MXRA5: variants seen among roughly 807,000 people sequenced by gnomAD.
MXRA5 encodes matrix-remodeling-associated protein 5.
Under a neutral mutation model 112.5 loss-of-function variants are expected in MXRA5, and 41 were observed. That is an observed-to-expected ratio of 0.36 (90% confidence interval 0.28 to 0.47). The LOEUF is 0.47. Among genes scored for constraint, MXRA5 ranks in the 20% least tolerant of loss-of-function variants. The pLI is 0.99. For missense variants in MXRA5, 2,150 were observed against 2,251.0 expected (o/e 0.96, Z 0.91); for synonymous variants, 862 against 900.8 (o/e 0.96, Z 0.77).
At chrX:3,342,856 A>C (rs1360458182) in intron 2 of MXRA5, among the ~76,000 whole-genome samples, 1 of 112,625 alleles carries the variant, frequency 8.9e-6, no homozygotes, top group Non-Finnish European at 1.9e-5. Flanking sequence ...AGGTACATTT[A>C]CAGTTATTTT....
Position 3,321,319 on chromosome X carries a change from C to T in MXRA5, c.4366G>A (p.Glu1456Lys), listed in dbSNP as rs1157923704. Reference sequence around the variant, plus strand: ...TGATCTTGATCAAGGGTGGTGGTTTCTGCCTGACTTGAAGCCACCTCCACT... The same window carrying T: ...TGATCTTGATCAAGGGTGGTGGTTTTTGCCTGACTTGAAGCCACCTCCACT... ...IKVEVASSQAETTTLDQDHLE... is the reference protein window; with the variant it reads ...IKVEVASSQAKTTTLDQDHLE... Residue 1456 changes from glutamate (E) to lysine (K), a missense_variant, in exon 5 of 7, where the codon GAA (glutamate) becomes AAA (lysine). Physicochemically the swap from Glu to Lys is moderately conservative, Grantham distance 56 (BLOSUM62 1). Coordinates refer to ENST00000217939, the MANE Select transcript of MXRA5 (RefSeq NM_015419.4). The T allele has an allele frequency of 8.3e-7, 1 of 1,211,747 alleles. No individual in the cohort carries two copies. The highest frequency in any genetic ancestry group is 1.7e-5 in the African/African-American group (1 of 57,852).
At chrX:3,338,726 T>C (rs1301046032) in intron 2 of MXRA5, among the ~76,000 whole-genome samples, 1 of 110,402 alleles carries the variant, frequency 9.1e-6, no homozygotes, top group Non-Finnish European at 1.9e-5. Context: ...GATACATAGA[T>C]AGATTGATAG....
At chrX:3,341,598 T>TTATAATAA (rs1921983587) in intron 2 of MXRA5, among the ~76,000 whole-genome samples, 7 of 25,542 alleles carry the variant, frequency 2.7e-4, no homozygotes, top group Non-Finnish European at 3.9e-4. Flanking sequence ...TATATTATTA[T>TTATAATAA]TATATATAAT....
chrX:3,311,341 A>G lies in MXRA5; in HGVS notation c.6862T>C (p.Phe2288Leu), dbSNP rs1920988093. The G allele has an allele frequency of 8.3e-7, 1 of 1,211,893 alleles. No homozygotes were observed. The highest frequency in any genetic ancestry group is 3.0e-5 in the East Asian group (1 of 33,836). The change falls in exon 7 of 7, where the codon TTC (phenylalanine) becomes CTC (leucine). Residue 2288 changes from phenylalanine (F) to leucine (L), a missense_variant. By Grantham distance (22) the Phe-to-Leu change is conservative. Around this residue, in one of 6 missense-constraint regions of MXRA5, gnomAD observed 1,485 missense variants for 1,471.6 expected, o/e 1.01. Transcript: ENST00000217939. ...SLPDGSLVNS[F>L]MQSDDSGGRT... is the part of the protein sequence containing the mutation. ...CCACCGCTGTCATCCGACTGCATGA[A>G]GGAGTTCACCAGACTCCCGTCTGGG...
Position 3,324,216 on chromosome X carries a change from G to A in MXRA5, c.1469C>T (p.Thr490Ile), listed in dbSNP as rs762556441. The A allele has an allele frequency of 2.9e-5, 35 of 1,209,874 alleles. No homozygotes were observed. The highest frequency in any genetic ancestry group is 2.3e-4 in the Middle Eastern group (1 of 4,372). ...CTGGCATGGACCCCCTTCCAGGACA[G>A]TCTGATCTCTTTGCACAGCTCCACT... ...EPSGAVQRDQ[T>I]VLEGGPCQLS... The change falls in exon 5 of 7, where the codon ACT becomes ATT. Residue 490 changes from threonine to isoleucine, a missense_variant. Physicochemically the swap from Thr to Ile is moderately conservative, Grantham distance 89 (BLOSUM62 -1). Around this residue, in one of 6 missense-constraint regions of MXRA5, gnomAD observed 386 missense variants for 411.0 expected, o/e 0.94. Transcript: ENST00000217939.
intron 4 of MXRA5, among the ~76,000 whole-genome samples, chrX:3,325,507 TATAG>T (rs1307293898): frequency 1.3e-4 from 14 of 105,419 alleles, no homozygotes; most frequent in South Asian, 1.2e-3. Context: ...TTAATAGATA[TATAG>T]ATAGATAACA....
intron 2 of MXRA5, among the ~76,000 whole-genome samples, 181 bp downstream of exon 2, chrX:3,343,465 C>T (rs1922034401): frequency 8.9e-6 from 1 of 112,415 alleles, no homozygotes. Context: ...GAAAAAGCTG[C>T]GTTTAGCATA....
At position 3,322,460 on chromosome X, in the gene MXRA5, T is replaced by A; in HGVS notation, c.3225A>T (p.Gly1075=). The change falls in exon 5 of 7, where the codon GGA becomes GGT. Residue 1075 remains glycine, a synonymous_variant. Transcript: ENST00000217939. The stretch of plus-strand genomic sequence containing the variant: ...CAGAACTTCTGGAGTGTGTGGGGTC[T>A]CCCTCTAGCATATTTCCTCCCTGTA... The part of the protein sequence containing the change: ...QTLQGGNMLE[G]DPTHSRSSES... The A allele has an allele frequency of 2.5e-6, 3 of 1,211,550 alleles. No homozygotes were observed. The South Asian group carries it at 5.3e-5, about 21-fold the overall frequency.
At chrX:3,319,349 T>C (rs779167311) in intron 5 of MXRA5, among the ~76,000 whole-genome samples, 1 of 112,497 alleles carries the variant, frequency 8.9e-6, no homozygotes, top group African/African-American at 3.2e-5. Context: ...TAATAGAGAA[T>C]TCTGGAAGCA....
Position 3,343,572 on chromosome X carries a change from C to G in MXRA5, c.188+74G>C, listed in dbSNP as rs1922036187. The G allele has an allele frequency of 4.1e-6, 4 of 979,701 alleles. No individual in the cohort carries two copies. In the Admixed American group the frequency reaches 9.9e-5, roughly 24 times the overall value. The allele number at this position is 979,701 out of a possible 1,213,427, so 80.7% of individuals were successfully genotyped here. A position where few individuals can be genotyped will look rare whatever the true frequency, so the allele number is the denominator to read the frequency against. ...GCACATATGAAGTTAAGTAAATGCA[C>G]ATACACACACGCAAAACCAGATCAA... On this transcript the variant is annotated intron_variant, in intron 2 of 6. Coordinates refer to ENST00000217939, the MANE Select transcript of MXRA5 (RefSeq NM_015419.4).
intron 4 of MXRA5, among the ~76,000 whole-genome samples, chrX:3,326,696 G>A (rs1459301691): frequency 9.1e-6 from 1 of 109,765 alleles, no homozygotes; most frequent in Non-Finnish European, 1.9e-5. Flanking sequence ...AATTTTCTCC[G>A]TCCTTTCTGG....
chrX:3,313,552 G>A (rs755175256), intron 6 of MXRA5, among the ~76,000 whole-genome samples: 8 of 112,529 alleles, frequency 7.1e-5, no homozygotes, highest in East Asian at 2.8e-4. Context: ...GAGCCACTGC[G>A]CCTGGCTCAA....
At chrX:3,313,975 GAA>G (rs1921028731) in intron 6 of MXRA5, among the ~76,000 whole-genome samples, 1 of 111,569 alleles carries the variant, frequency 9.0e-6, no homozygotes. Context: ...TTCCTGAATT[GAA>G]AAGAGTCCTG....
Position 3,322,798 on chromosome X carries a change from G to A in MXRA5, c.2887C>T (p.Pro963Ser), listed in dbSNP as rs1204849286. ...PEPTSSEYEP[P>S]LDAVSLAESE... Reference sequence around the variant, plus strand: ...TCAGCCAAGGAGACAGCATCCAATGGAGGCTCATACTCACTGGATGTGGGC... The same window carrying A: ...TCAGCCAAGGAGACAGCATCCAATGAAGGCTCATACTCACTGGATGTGGGC... Residue 963 changes from proline to serine, a missense_variant, in exon 5 of 7, where the codon CCA becomes TCA. By Grantham distance (74) the Pro-to-Ser change is moderately conservative. Around this residue, in one of 6 missense-constraint regions of MXRA5, gnomAD observed 1,485 missense variants for 1,471.6 expected, o/e 1.01. Transcript: ENST00000217939. The A allele has an allele frequency of 3.3e-6, 4 of 1,211,668 alleles. No individual in the cohort carries two copies. The South Asian group carries it at 7.0e-5, about 21-fold the overall frequency.
chrX:3,334,939 C>T (rs747333164), intron 2 of MXRA5, among the ~76,000 whole-genome samples: 34 of 111,545 alleles, frequency 3.0e-4, no homozygotes, highest in African/African-American at 7.8e-4. Flanking sequence ...TAGCCTCTCC[C>T]GCCTCAGTTA....
At chrX:3,340,919 C>T (rs1921901347) in intron 2 of MXRA5, among the ~76,000 whole-genome samples, 1 of 90,105 alleles carries the variant, frequency 1.1e-5, no homozygotes, top group Non-Finnish European at 2.2e-5. Flanking sequence ...ACACACAACA[C>T]AAACACACAA....
rs12010165 is a variant in MXRA5 at position 3,317,052 on chromosome X, G to T, written c.6578+51C>A. 8.9e-3 allele frequency: 9,636 copies of T among 1,076,834 alleles called. 498 individuals carry two copies. The African/African-American group carries it at 0.15, about 17-fold the overall frequency. The allele number at this position is 1,076,834 out of a possible 1,213,427, so 88.7% of individuals were successfully genotyped here. On this transcript the variant is annotated intron_variant, in intron 6 of 6. Coordinates refer to ENST00000217939, the MANE Select transcript of MXRA5 (RefSeq NM_015419.4). The stretch of plus-strand genomic sequence containing the variant: ...TCATCCTGAAAAAGGACTCATATTC[G>T]TTGGGGCCACCAGCCCAGCGATTTA...
At chrX:3,337,001 A>C (rs1469380714) in intron 2 of MXRA5, among the ~76,000 whole-genome samples, 1 of 112,029 alleles carries the variant, frequency 8.9e-6, no homozygotes, top group African/African-American at 3.2e-5. Flanking sequence ...AAGAAGCATG[A>C]CTAGAAAGGT....
Position 3,309,668 on chromosome X carries a change from A to T in MXRA5, c.*48T>A. Reference sequence around the variant, plus strand: ...TTCCCCAACCTGGCTTCCCTTACAAACCCCGCTTTGTTGTCAGTTCCTAAG... The same window carrying T: ...TTCCCCAACCTGGCTTCCCTTACAATCCCCGCTTTGTTGTCAGTTCCTAAG... On this transcript the variant is annotated 3_prime_UTR_variant, in exon 7 of 7. Coordinates refer to ENST00000217939, the MANE Select transcript of MXRA5 (RefSeq NM_015419.4). 8.9e-7 allele frequency: 1 copy of T among 1,122,418 alleles called. No homozygotes were observed. Among genetic ancestry groups the T allele is most frequent in the Non-Finnish European group, 1.2e-6 (1 of 830,640 alleles). 92.5% of individuals were successfully genotyped at this position (1,122,418 alleles called of 1,213,427 possible).
Sources: gnomAD v4.1 joint callset for allele counts (sites outside exome capture counted in the v4.1 genomes callset) on GRCh38, gnomAD v4.1.1 for gene constraint, gnomAD v4.1.1 regional missense constraint, MANE v1.5 for transcripts, NCBI Gene and HGNC (gene_info 2026-07-23, HGNC 2026-07-21) for gene names.